The following SUCLA2 variants were observed in gnomAD, a reference collection of about 807,000 sequenced individuals.
The protein encoded by SUCLA2 is succinate--CoA ligase [ADP-forming] subunit beta, mitochondrial.
Under a neutral mutation model 54.8 loss-of-function variants are expected in SUCLA2, and 30 were observed. The ratio of observed to expected loss-of-function variants is 0.55; its 90% CI spans 0.41 to 0.74. The LOEUF is 0.74. Ranked by LOEUF, SUCLA2 falls within the 30% of genes least tolerant of loss-of-function variation. The probability of loss-of-function intolerance (pLI) is 0.00; values close to 1 mark genes in which losing one functional copy is unlikely to be tolerated. For synonymous variants in SUCLA2, 172 were observed against 188.9 expected (o/e 0.91, Z 0.74); for missense variants, 476 against 562.9 (o/e 0.85, Z 1.56).
chr13:47,967,686 CA>C (rs34535330), intron 6 of SUCLA2, among the ~76,000 whole-genome samples: 109,248 of 151,390 alleles, frequency 0.72, 40,296 homozygotes, highest in Non-Finnish European at 0.8. Flanking sequence ...ACTAAAAACA[CA>C]AAAAAAATTA....
At chr13:47,999,690 G>C (rs1950215356) in intron 1 of SUCLA2, among the ~76,000 whole-genome samples, 1 of 145,488 alleles carries the variant, frequency 6.9e-6, no homozygotes, top group African/African-American at 2.6e-5. Flanking sequence ...CTGGGCGACA[G>C]AGCAAGACTC....
chr13:47,998,169 C>T (rs1310517571), intron 1 of SUCLA2, among the ~76,000 whole-genome samples: 1 of 152,024 alleles, frequency 6.6e-6, no homozygotes, highest in Non-Finnish European at 1.5e-5. Flanking sequence ...CCCAGCTACT[C>T]CTGAGACTGA....
intron 2 of SUCLA2, among the ~76,000 whole-genome samples, chr13:47,995,949 T>C (rs56097393): frequency 0.084 from 12,792 of 152,276 alleles, 725 homozygotes; most frequent in South Asian, 0.18. Flanking sequence ...TCATTTAATA[T>C]TTATTCATTT....
intron 5 of SUCLA2, chr13:47,972,068 T>C (rs1949970971): frequency 7.9e-6 from 3 of 379,970 alleles, no homozygotes; most frequent in Non-Finnish European, 1.4e-5. Context: ...ATGGCCAACA[T>C]AGCAAAACCC....
intron 5 of SUCLA2, among the ~76,000 whole-genome samples, chr13:47,973,034 G>A (rs923936365): frequency 2.0e-5 from 3 of 151,948 alleles, no homozygotes; most frequent in African/African-American, 7.3e-5. Context: ...ACAGGCGTGA[G>A]ACACCGTGCC....
At chr13:47,997,269 T>C (rs1481434129) in intron 1 of SUCLA2, among the ~76,000 whole-genome samples, 1 of 122,282 alleles carries the variant, frequency 8.2e-6, no homozygotes, top group Non-Finnish European at 1.9e-5. Context: ...TTTACTATCA[T>C]ATCTCCAATG....
At chr13:47,949,417 T>C in intron 9 of SUCLA2, 66 bp downstream of exon 9, 1 of 1,570,268 alleles carries the variant, frequency 6.4e-7, no homozygotes, top group Non-Finnish European at 8.8e-7. Flanking sequence ...TTTAACAAAC[T>C]GAACTCCATG....
At chr13:47,980,212 C>A (rs1403338011) in intron 4 of SUCLA2, among the ~76,000 whole-genome samples, 1 of 152,004 alleles carries the variant, frequency 6.6e-6, no homozygotes, top group African/African-American at 2.4e-5. Flanking sequence ...GTCAGGAGAT[C>A]GAGACCATCC....
chr13:47,992,558 G>A (rs556191959), intron 2 of SUCLA2, among the ~76,000 whole-genome samples: 5 of 152,202 alleles, frequency 3.3e-5, no homozygotes, highest in East Asian at 1.9e-4. Flanking sequence ...CTGTGCTAGC[G>A]TTGTAGATAC....
At chr13:47,997,052 T>C (rs1470236090) in intron 1 of SUCLA2, 29 bp from the exon 2 acceptor site, 6 of 1,613,138 alleles carry the variant, frequency 3.7e-6, no homozygotes, top group African/African-American at 2.7e-5. Flanking sequence ...TATTTATATA[T>C]GACAGTGATT....
chr13:47,995,412 TAAC>T (rs71659058), intron 2 of SUCLA2, among the ~76,000 whole-genome samples: 16,867 of 152,092 alleles, frequency 0.11, 1,335 homozygotes, highest in African/African-American at 0.22. Context: ...TCTTTCTGAT[TAAC>T]AACAATAAAA....
intron 4 of SUCLA2, 32 bp from the exon 5 acceptor site, chr13:47,973,424 G>T (rs765370960): frequency 6.2e-7 from 1 of 1,609,658 alleles, no homozygotes; most frequent in South Asian, 1.1e-5. Flanking sequence ...CAAAACTCTA[G>T]ATTTATTTTA....
At chr13:47,982,743 T>C (rs1387813402) in intron 4 of SUCLA2, among the ~76,000 whole-genome samples, 1 of 151,708 alleles carries the variant, frequency 6.6e-6, no homozygotes, top group Non-Finnish European at 1.5e-5. Flanking sequence ...CACCAAAAGC[T>C]TGGGGAGCTT....
intron 4 of SUCLA2, among the ~76,000 whole-genome samples, chr13:47,976,494 G>A (rs370447063): frequency 3.9e-5 from 6 of 152,272 alleles, no homozygotes; most frequent in African/African-American, 1.4e-4. Flanking sequence ...ACTGTTTCCT[G>A]TCTCAACTGA....
intron 2 of SUCLA2, chr13:47,994,843 A>G: frequency 5.1e-6 from 5 of 985,416 alleles, no homozygotes; most frequent in Non-Finnish European, 6.0e-6. Flanking sequence ...AGAACTTGCC[A>G]GAAATACTCA....
At chr13:47,977,707 A>G (rs1950027964) in intron 4 of SUCLA2, among the ~76,000 whole-genome samples, 1 of 152,182 alleles carries the variant, frequency 6.6e-6, no homozygotes, top group Non-Finnish European at 1.5e-5. Flanking sequence ...AAGGCATTTA[A>G]CAAAATTGAA....
At chr13:47,991,564 A>G (rs557365104) in intron 2 of SUCLA2, 1 of 152,324 alleles carries the variant, frequency 6.6e-6, no homozygotes, top group African/African-American at 2.4e-5. Context: ...TCTCTTACAT[A>G]TATCATTTGT....
At chr13:47,967,757 T>G (rs1949931008) in intron 6 of SUCLA2, among the ~76,000 whole-genome samples, 1 of 150,774 alleles carries the variant, frequency 6.6e-6, no homozygotes, top group Admixed American at 6.6e-5. Flanking sequence ...GGCAGAAGAA[T>G]TACTTGAACC....
chr13:47,964,716 G>T (rs1470902809), intron 6 of SUCLA2, among the ~76,000 whole-genome samples: 1 of 152,042 alleles, frequency 6.6e-6, no homozygotes, highest in Non-Finnish European at 1.5e-5. Context: ...AATTAGCCGG[G>T]CGTGGTGGCG....
Sources: gnomAD v4.1 joint callset for allele counts (sites outside exome capture counted in the v4.1 genomes callset) on GRCh38, gnomAD v4.1.1 for gene constraint, MANE v1.5 for transcripts, NCBI Gene and HGNC (gene_info 2026-07-23, HGNC 2026-07-21) for gene names.